The following DMD variants were observed in gnomAD, a reference collection of about 807,000 sequenced individuals.
The protein encoded by DMD is mutant dystrophin.
In DMD, 63 loss-of-function variants were observed where a neutral mutation model predicts 330.1. That is an observed-to-expected ratio of 0.19 (90% CI 0.16 to 0.24). The LOEUF (loss-of-function observed/expected upper bound fraction) is 0.24. DMD is among the 10% of genes least tolerant of loss of function. The probability of loss-of-function intolerance (pLI) is 1.00; values close to 1 mark genes in which losing one functional copy is unlikely to be tolerated. For synonymous variants in DMD, 1,223 were observed against 959.8 expected, an observed-to-expected ratio of 1.27 and a Z score of -5.07; for missense variants, 3,344 against 2,684.1, an observed-to-expected ratio of 1.25 and a Z score of -5.43.
chrX:32,141,559 A>G (rs896638230), intron 44 of DMD, among the ~76,000 whole-genome samples: 16 of 111,718 alleles, frequency 1.4e-4, no homozygotes, highest in African/African-American at 5.2e-4. Flanking sequence ...CCAAACCTGC[A>G]ATTTTTATTC....
At chrX:32,514,698 G>A (rs919304773) in intron 18 of DMD, among the ~76,000 whole-genome samples, 6 of 112,501 alleles carry the variant, frequency 5.3e-5, no homozygotes, top group East Asian at 2.8e-4. Context: ...CCGAGATCGC[G>A]CCACTGCACT....
chrX:32,994,168 A>T (rs972026788), intron 2 of DMD, among the ~76,000 whole-genome samples: 4 of 110,363 alleles, frequency 3.6e-5, no homozygotes, highest in African/African-American at 1.3e-4. Flanking sequence ...CTTCAGAGCA[A>T]GGCCAGATAA....
intron 47 of DMD, among the ~76,000 whole-genome samples, chrX:31,878,113 A>C (rs1289004387): frequency 8.9e-6 from 1 of 111,953 alleles, no homozygotes; most frequent in East Asian, 2.8e-4. Context: ...AATAGAGGTA[A>C]AACAATTCCT....
intron 4 of DMD, among the ~76,000 whole-genome samples, chrX:32,839,848 C>A (rs1392797463): frequency 9.0e-6 from 1 of 110,649 alleles, no homozygotes; most frequent in Non-Finnish European, 1.9e-5. Flanking sequence ...GTAGCTGGGA[C>A]TACAGATGCA....
chrX:32,819,455 G>A (rs1023612906), intron 5 of DMD, among the ~76,000 whole-genome samples: 14 of 108,082 alleles, frequency 1.3e-4, no homozygotes, highest in African/African-American at 2.7e-4. Context: ...TTAGCACTCC[G>A]AAAAAAAAAG....
chrX:32,339,209 A>G (rs780307995), intron 41 of DMD, among the ~76,000 whole-genome samples: 1 of 111,493 alleles, frequency 9.0e-6, no homozygotes, highest in South Asian at 3.7e-4. Flanking sequence ...CAGCACTCAA[A>G]GTCACTGGGA....
At chrX:32,357,701 A>C (rs2097809616) in intron 37 of DMD, among the ~76,000 whole-genome samples, 1 of 105,853 alleles carries the variant, frequency 9.4e-6, no homozygotes, top group South Asian at 4.3e-4. Flanking sequence ...ACACACACAG[A>C]GCACATCAAG....
At chrX:31,753,083 C>A (rs897813343) in intron 51 of DMD, among the ~76,000 whole-genome samples, 1 of 111,450 alleles carries the variant, frequency 9.0e-6, no homozygotes, top group Non-Finnish European at 1.9e-5. Flanking sequence ...CACAAAACAA[C>A]AGGAACACAC....
intron 42 of DMD, among the ~76,000 whole-genome samples, chrX:32,301,047 C>T (rs1330336441): frequency 2.7e-5 from 3 of 109,551 alleles, no homozygotes; most frequent in Non-Finnish European, 5.7e-5. Context: ...ATATTGATGA[C>T]AGTAAACTAT....
intron 62 of DMD, among the ~76,000 whole-genome samples, chrX:31,276,998 T>C (rs936086814): frequency 3.6e-5 from 4 of 111,929 alleles, no homozygotes; most frequent in Admixed American, 9.5e-5. Flanking sequence ...AATGAGTGTG[T>C]TCAGATTGTG....
At chrX:33,067,615 TG>T (rs1233333672) in intron 1 of DMD, among the ~76,000 whole-genome samples, 1 of 111,475 alleles carries the variant, frequency 9.0e-6, no homozygotes, top group Non-Finnish European at 1.9e-5. Context: ...CCAAGGCGGG[TG>T]GATCACCTGA....
At chrX:31,753,028 C>T (rs2088727141) in intron 51 of DMD, among the ~76,000 whole-genome samples, 1 of 111,876 alleles carries the variant, frequency 8.9e-6, no homozygotes, top group Non-Finnish European at 1.9e-5. Context: ...AAGTTAGCCT[C>T]TGTGTCTTTT....
rs769574740 is a variant in DMD at position 31,885,056 on chromosome X, G to A, written c.6913-9683C>T. Among the ~76,000 whole-genome samples, 208 of 110,866 alleles carry A rather than the reference G, an allele frequency of 1.9e-3. 2 individuals carry two copies. Among genetic ancestry groups the A allele is most frequent in the African/African-American group, 6.5e-3 (200 of 30,562 alleles). ...ACAATAAAATTACTATTATAACTTA[G>A]GTTTACAACATATTTCAGGTACTTC... is the stretch of plus-strand genomic sequence containing the variant. On this transcript the variant is annotated intron_variant, in intron 47 of 78. Transcript: ENST00000357033.
At chrX:32,479,449 C>G (rs1220555530) in intron 21 of DMD, among the ~76,000 whole-genome samples, 1 of 110,785 alleles carries the variant, frequency 9.0e-6, no homozygotes, top group Non-Finnish European at 1.9e-5. Flanking sequence ...CTCTTCCCCC[C>G]AGTCTCTGGT....
chrX:32,699,477 G>C (rs909856062), intron 7 of DMD, among the ~76,000 whole-genome samples, 184 bp from the exon 8 acceptor site: 2 of 111,966 alleles, frequency 1.8e-5, no homozygotes, highest in Non-Finnish European at 3.8e-5. Context: ...CAATTTGGCA[G>C]ACCAATGAGA....
At chrX:32,577,049 G>A (rs1193957704) in intron 13 of DMD, among the ~76,000 whole-genome samples, 1 of 111,495 alleles carries the variant, frequency 9.0e-6, no homozygotes, top group Non-Finnish European at 1.9e-5. Flanking sequence ...CTACTACATC[G>A]GAATGTGCCC....
chrX:32,767,609 C>A (rs918450502), intron 7 of DMD, among the ~76,000 whole-genome samples: 42 of 111,225 alleles, frequency 3.8e-4, no homozygotes, highest in African/African-American at 1.4e-3. Flanking sequence ...GGGTTTTTTT[C>A]CACTTAGTGT....
At chrX:32,290,255 C>A (rs1319925123) in intron 42 of DMD, among the ~76,000 whole-genome samples, 1 of 112,393 alleles carries the variant, frequency 8.9e-6, no homozygotes, top group Non-Finnish European at 1.9e-5. Flanking sequence ...TTTTAAATAG[C>A]ACCAGCAATC....
intron 43 of DMD, among the ~76,000 whole-genome samples, chrX:32,238,474 A>AG (rs58609764): frequency 2.5e-3 from 275 of 109,994 alleles, no homozygotes; most frequent in African/African-American, 8.7e-3. Context: ...AGAGAGAGAG[A>AG]AAGAGAGACA....
Sources: gnomAD v4.1 joint callset for allele counts (sites outside exome capture counted in the v4.1 genomes callset) on GRCh38, gnomAD v4.1.1 for gene constraint, MANE v1.5 for transcripts, NCBI Gene and HGNC (gene_info 2026-07-23, HGNC 2026-07-21) for gene names.